Variants in FHDC1 observed in about 807,000 individuals in gnomAD.
FHDC1 encodes FH2 domain containing 1, also known as FH2 domain-containing protein 1.
A neutral mutation model predicts 52.6 loss-of-function variants in FHDC1; 25 were observed. That is an observed-to-expected ratio of 0.48 (90% CI 0.35 to 0.66). FHDC1 has a LOEUF of 0.66. FHDC1 is among the 30% of genes least tolerant of loss of function. FHDC1 has a pLI of 0.01. For synonymous variants in FHDC1, 616 were observed against 581.5 expected (o/e 1.06, Z -0.85); for missense variants, 1,459 against 1,452.8 (o/e 1.00, Z -0.07).
intron 8 of FHDC1, 68 bp downstream of exon 8, chr4:152,963,198 C>G: frequency 7.2e-7 from 1 of 1,380,610 alleles, no homozygotes; most frequent in Admixed American, 1.7e-5. Flanking sequence ...AAGTTTTTCC[C>G]AGGCATAAGA....
At chr4:152,919,153 T>G in the FHDC1 span, among the ~76,000 whole-genome samples, 3 of 152,278 alleles carry the variant, frequency 2.0e-5, no homozygotes, top group Non-Finnish European at 4.4e-5. Context: ...CTGGCAACAT[T>G]TGCTGGTGAT....
intron 2 of FHDC1, among the ~76,000 whole-genome samples, chr4:152,949,969 G>T (rs1210957479): frequency 5.3e-5 from 8 of 152,206 alleles, no homozygotes; most frequent in Non-Finnish European, 1.2e-4. Context: ...TGGCGGTCCT[G>T]CCTGCATGTC....
At chr4:152,922,043 C>T in the FHDC1 span, among the ~76,000 whole-genome samples, 7 of 152,032 alleles carry the variant, frequency 4.6e-5, no homozygotes, top group East Asian at 1.3e-3. Flanking sequence ...CACAAAAAAC[C>T]CTTCAAAAAA....
chr4:152,960,559 T>C lies in FHDC1; in HGVS notation c.664-6T>C, dbSNP rs1435934272. 1 of 1,613,042 alleles carries C rather than the reference T, an allele frequency of 6.2e-7. No homozygotes were observed. The highest frequency in any genetic ancestry group is 8.5e-7 in the Non-Finnish European group (1 of 1,179,264). ...TATATACCCCCCCTTTCCATTTGTC[T>C]TTTAGGTAAAGAAGTTAAAAGCGTT... On this transcript the variant is annotated splice_region_variant and splice_polypyrimidine_tract_variant and intron_variant, in intron 4 of 11. Coordinates refer to ENST00000511601, the MANE Select transcript of FHDC1 (RefSeq NM_001371116.1).
intron 4 of FHDC1, among the ~76,000 whole-genome samples, chr4:152,956,663 C>T (rs769853481): frequency 7.2e-5 from 11 of 152,146 alleles, no homozygotes; most frequent in Non-Finnish European, 8.8e-5. Flanking sequence ...AGATGGGGTC[C>T]TGCTGAAATG....
intron 10 of FHDC1, among the ~76,000 whole-genome samples, chr4:152,968,665 G>T (rs780313898): frequency 4.6e-5 from 7 of 152,158 alleles, no homozygotes; most frequent in Non-Finnish European, 8.8e-5. Flanking sequence ...CAGTGCTTCT[G>T]CGAGGCTCCT....
chr4:152,930,998 C>CACTCTT, the FHDC1 span, among the ~76,000 whole-genome samples: 15 of 90,936 alleles, frequency 1.6e-4, no homozygotes, highest in Admixed American at 6.3e-4. Context: ...CACACACACA[C>CACTCTT]TCTCTCTCTC....
At chr4:152,926,131 A>G in the FHDC1 span, among the ~76,000 whole-genome samples, 1 of 152,090 alleles carries the variant, frequency 6.6e-6, no homozygotes. Flanking sequence ...GTGGCAAGAA[A>G]AAGGAGAGAC....
At chr4:152,962,940 GGTGTGTGT>G (rs34181980) in intron 7 of FHDC1, 56 bp downstream of exon 7, 14,125 of 936,012 alleles carry the variant, frequency 0.015, 66 homozygotes, top group Non-Finnish European at 0.02. Context: ...TCTATCTAAA[GGTGTGTGT>G]GTGTGTGTGT....
chr4:152,954,265 TTATGG>T lies in FHDC1; in HGVS notation c.610_614del (p.Tyr204IlefsTer9), dbSNP rs774850591. 10 of 1,614,098 alleles carry T rather than the reference TTATGG, an allele frequency of 6.2e-6. No individual in the cohort carries two copies. The highest frequency in any genetic ancestry group is 8.5e-6 in the Non-Finnish European group (10 of 1,180,032). ...ATATTCATCAAGGAAAAAGTGAGCA[TTATGG>T]ATCAGAGACCTTGCGAGAATTTCTT... is the stretch of plus-strand genomic sequence containing the variant. On this transcript the variant is annotated frameshift_variant, in exon 4 of 12. Transcript: ENST00000511601. LOFTEE classifies it high-confidence loss of function.
chr4:152,941,765 G>A (rs750159060), intron 1 of FHDC1, among the ~76,000 whole-genome samples: 1 of 152,170 alleles, frequency 6.6e-6, no homozygotes, highest in Non-Finnish European at 1.5e-5. Context: ...ACTTGTGTTT[G>A]TAAGTATGGG....
chr4:152,935,840 TGTGTGTGCGCGCGTGTATATAAGA>T (rs1485358909), upstream of FHDC1, among the ~76,000 whole-genome samples: 1 of 133,152 alleles, frequency 7.5e-6, no homozygotes, highest in African/African-American at 2.5e-5. Context: ...GGTGTGTGTG[TGTGTGTGCGCGCGTGTATATAAGA>T]GTGTGTGCGC....
chr4:152,957,931 G>T (rs1324693935), intron 4 of FHDC1, among the ~76,000 whole-genome samples: 1 of 151,860 alleles, frequency 6.6e-6, no homozygotes, highest in Admixed American at 6.6e-5. Flanking sequence ...CCCCCACCAC[G>T]CCTGACCAGC....
intron 9 of FHDC1, among the ~76,000 whole-genome samples, chr4:152,966,067 T>C (rs929329296): frequency 2.0e-5 from 3 of 152,212 alleles, no homozygotes; most frequent in South Asian, 2.1e-4. Context: ...TCTTATAAGA[T>C]AGGAACTTTT....
At chr4:152,973,476 G>T (rs760865639) in intron 11 of FHDC1, among the ~76,000 whole-genome samples, 1 of 152,228 alleles carries the variant, frequency 6.6e-6, no homozygotes, top group Non-Finnish European at 1.5e-5. Flanking sequence ...GCAGTGGTGG[G>T]TGTCAAGGCC....
the FHDC1 span, among the ~76,000 whole-genome samples, chr4:152,912,575 C>T: frequency 1.4e-4 from 22 of 152,092 alleles, no homozygotes; most frequent in Non-Finnish European, 1.8e-4. Context: ...CAATTTACAC[C>T]TCTAAGAGCA....
chr4:152,967,257 C>A (rs1740492877), intron 9 of FHDC1, among the ~76,000 whole-genome samples: 1 of 152,176 alleles, frequency 6.6e-6, no homozygotes, highest in Non-Finnish European at 1.5e-5. Context: ...GAAACCCCGT[C>A]TCCACTAAAA....
the FHDC1 span, among the ~76,000 whole-genome samples, chr4:152,923,622 C>G: frequency 6.6e-6 from 1 of 151,134 alleles, no homozygotes; most frequent in Non-Finnish European, 1.5e-5. Flanking sequence ...TATAAGGCTA[C>G]AGTAACCAAA....
chr4:152,951,238 A>G (rs986604898), intron 2 of FHDC1, among the ~76,000 whole-genome samples: 1 of 152,224 alleles, frequency 6.6e-6, no homozygotes, highest in Non-Finnish European at 1.5e-5. Context: ...ATTCTTATGC[A>G]TGGCCTTTTA....
Sources: allele counts gnomAD v4.1 joint callset (sites outside exome capture counted in the v4.1 genomes callset), GRCh38; gene constraint gnomAD v4.1.1; transcripts MANE v1.5; gene names NCBI Gene and HGNC (gene_info 2026-07-23, HGNC 2026-07-21).